The following KAZN variants were observed in gnomAD, a reference collection of about 807,000 sequenced individuals.
KAZN encodes kazrin.
In KAZN, 40 loss-of-function variants were observed where a neutral mutation model predicts 87.4. The ratio of observed to expected loss-of-function variants is 0.46; its 90% CI spans 0.36 to 0.60. The LOEUF is 0.60. Ranked by LOEUF, KAZN falls within the 20% of genes least tolerant of loss-of-function variation. KAZN has a pLI of 0.00. For synonymous variants in KAZN, 466 were observed against 458.3 expected (o/e 1.02, Z -0.22); for missense variants, 898 against 1,073.9 (o/e 0.84, Z 2.29).
intron 2 of KAZN, among the ~76,000 whole-genome samples, chr1:14,287,570 G>C (rs1260961726): frequency 3.9e-5 from 6 of 152,190 alleles, no homozygotes; most frequent in Admixed American, 3.3e-4. Flanking sequence ...TCAGCTTAAG[G>C]AGATTTTGGG....
chr1:14,467,267 TTTAAG>T lies in KAZN; in HGVS notation c.250-131710_250-131706del, dbSNP rs544690823. Among the ~76,000 whole-genome samples, 32 of 151,946 alleles carry T rather than the reference TTTAAG, an allele frequency of 2.1e-4. No individual in the cohort carries two copies. The South Asian group carries it at 6.0e-3, about 29-fold the overall frequency. ...TTAGCATTAATTTGAATTAGATTGT[TTTAAG>T]TTAAGATGCTAATTGCAATCCCCAG... is the stretch of plus-strand genomic sequence containing the variant. On this transcript the variant is annotated intron_variant, in intron 2 of 16. Coordinates refer to the KAZN transcript ENST00000636203.
At chr1:13,896,138 C>A (rs1188363230) in intron 1 of KAZN, among the ~76,000 whole-genome samples, 1 of 151,512 alleles carries the variant, frequency 6.6e-6, no homozygotes, top group African/African-American at 2.4e-5. Context: ...TGGTCTAGGG[C>A]AGGGGTTGAC....
At chr1:14,405,622 G>A (rs1426059570) in intron 2 of KAZN, among the ~76,000 whole-genome samples, 1 of 151,428 alleles carries the variant, frequency 6.6e-6, no homozygotes, top group South Asian at 2.1e-4. Context: ...GTGTGTGTGT[G>A]TGTGTGTGTG....
At chr1:15,107,138 C>T (rs1641322634) in intron 13 of KAZN, among the ~76,000 whole-genome samples, 1 of 152,300 alleles carries the variant, frequency 6.6e-6, no homozygotes, top group Admixed American at 6.5e-5. Flanking sequence ...GGGATCTAAG[C>T]TAGAATAGTG....
intron 2 of KAZN, among the ~76,000 whole-genome samples, chr1:14,365,904 A>G (rs554775873): frequency 7.2e-5 from 11 of 152,272 alleles, no homozygotes; most frequent in East Asian, 1.9e-4. Flanking sequence ...TGCTAATAAT[A>G]ACGACTCAAA....
In KAZN at chr1:14,695,510, C is replaced by CTTTTTTTTTTTTTTTTTTTTTTTT. The variant is rs112667110; in HGVS notation, c.226+96302_226+96303insTTTTTTTTTTTTTTTTTTTTTTTT. Among the ~76,000 whole-genome samples, 188 of 84,998 alleles carry CTTTTTTTTTTTTTTTTTTTTTTTT rather than the reference C, an allele frequency of 2.2e-3. 20 individuals are homozygous for CTTTTTTTTTTTTTTTTTTTTTTTT. Among genetic ancestry groups the CTTTTTTTTTTTTTTTTTTTTTTTT allele is most frequent in the Admixed American group, 2.6e-3 (22 of 8,558 alleles). 55.8% of individuals were successfully genotyped at this position (84,998 alleles called of 152,430 possible). A position where few individuals can be genotyped will look rare whatever the true frequency, so the allele number is the denominator to read the frequency against. On this transcript the variant is annotated intron_variant, in intron 1 of 14. Coordinates refer to ENST00000376030, the MANE Select transcript of KAZN (RefSeq NM_201628.3). ...CCTCTTTCCCCAGACTACATTCCAT[C>CTTTTTTTTTTTTTTTTTTTTTTTT]TTTTTTTTTTTTTTTGATGGAGTCT...
intron 1 of KAZN, among the ~76,000 whole-genome samples, chr1:13,981,260 TATTAA>T (rs1638694146): frequency 1.4e-5 from 2 of 147,508 alleles, no homozygotes; most frequent in African/African-American, 4.9e-5. Flanking sequence ...TAATTTAAAA[TATTAA>T]ATTATAATGC....
intron 1 of KAZN, among the ~76,000 whole-genome samples, chr1:13,998,716 A>G (rs12126798): frequency 0.15 from 22,091 of 152,178 alleles, 1,709 homozygotes; most frequent in Middle Eastern, 0.22. Flanking sequence ...GATTCATAAA[A>G]CAAGTTCTTA....
At chr1:14,144,307 G>T (rs1045350984) in intron 1 of KAZN, among the ~76,000 whole-genome samples, 3 of 152,078 alleles carry the variant, frequency 2.0e-5, no homozygotes, top group Non-Finnish European at 4.4e-5. Flanking sequence ...CCTTGTCTTT[G>T]TTTATTGCCT....
At chr1:15,015,310 A>ACC (rs1436524842) in intron 2 of KAZN, among the ~76,000 whole-genome samples, 6 of 151,700 alleles carry the variant, frequency 4.0e-5, no homozygotes, top group Non-Finnish European at 8.8e-5. Context: ...CCGCCACCAC[A>ACC]CCCAGCTAAT....
upstream of KAZN, among the ~76,000 whole-genome samples, chr1:14,597,545 C>T (rs1448070213): frequency 6.6e-6 from 1 of 152,162 alleles, no homozygotes; most frequent in Non-Finnish European, 1.5e-5. Flanking sequence ...AATCCTCACT[C>T]ACAAGAGATA....
intron 2 of KAZN, among the ~76,000 whole-genome samples, chr1:14,433,727 G>A (rs192607170): frequency 6.6e-6 from 1 of 152,312 alleles, no homozygotes; most frequent in East Asian, 1.9e-4. Context: ...AGGTATGGTG[G>A]CATGTGCCTG....
At chr1:14,275,349 T>A (rs1652262516) in intron 2 of KAZN, among the ~76,000 whole-genome samples, 1 of 151,966 alleles carries the variant, frequency 6.6e-6, no homozygotes. Context: ...CCTATTGAGT[T>A]AGAAACTCTG....
chr1:14,654,304 AAAAAT>A (rs1446674686), intron 1 of KAZN, among the ~76,000 whole-genome samples: 1 of 151,928 alleles, frequency 6.6e-6, no homozygotes, highest in Non-Finnish European at 1.5e-5. Flanking sequence ...AAAAAAAAAA[AAAAAT>A]CTCCAGATAT....
chr1:14,487,214 G>A (rs1400797574), intron 2 of KAZN, among the ~76,000 whole-genome samples: 2 of 152,140 alleles, frequency 1.3e-5, no homozygotes, highest in African/African-American at 4.8e-5. Flanking sequence ...GTTTGACCTG[G>A]TTTTTTGGGG....
intron 1 of KAZN, among the ~76,000 whole-genome samples, chr1:14,080,583 G>T (rs1353412389): frequency 2.0e-5 from 3 of 152,190 alleles, no homozygotes; most frequent in African/African-American, 4.8e-5. Flanking sequence ...GACATACCAG[G>T]CTCCTTCAGT....
At chr1:14,068,024 C>G (rs978366605) in intron 1 of KAZN, among the ~76,000 whole-genome samples, 4 of 152,140 alleles carry the variant, frequency 2.6e-5, no homozygotes, top group Non-Finnish European at 5.9e-5. Flanking sequence ...AGCCGGAATA[C>G]TTTGGCCAAG....
At chr1:14,761,471 C>T (rs764358614) in intron 1 of KAZN, among the ~76,000 whole-genome samples, 14 of 152,172 alleles carry the variant, frequency 9.2e-5, no homozygotes, top group African/African-American at 1.9e-4. Flanking sequence ...ATCCTCAGCC[C>T]GTAGCACAGG....
rs578257915 is a variant in KAZN at position 13,982,223 on chromosome 1, C to A, written c.91+88467C>A. The stretch of plus-strand genomic sequence containing the variant: ...CCTTCTCAGCAAGAGTGGGCTGCCT[C>A]ACAGTGCCCACCTCAAGGTGTGTCC... On this transcript the variant is annotated intron_variant, in intron 1 of 16. Transcript: ENST00000636203. 1.4e-4 allele frequency among the ~76,000 whole-genome samples: 22 copies of A among 152,262 alleles called. No homozygotes were observed. In the South Asian group the frequency reaches 1.9e-3, roughly 13 times the overall value.
Sources: allele counts gnomAD v4.1 joint callset (sites outside exome capture counted in the v4.1 genomes callset), GRCh38; gene constraint gnomAD v4.1.1; transcripts MANE v1.5; gene names NCBI Gene and HGNC (gene_info 2026-07-23, HGNC 2026-07-21).